The following FBH1 variants were observed in gnomAD, a reference collection of about 807,000 sequenced individuals.
FBH1 encodes DNA 3'-5' helicase 1.
A neutral mutation model predicts 115.5 loss-of-function variants in FBH1; 43 were observed. The observed-to-expected ratio is 0.37, with a 90% CI of 0.29 to 0.48. The LOEUF (loss-of-function observed/expected upper bound fraction) is 0.48, where lower values mean the gene tolerates loss of function less well. Ranked by LOEUF, FBH1 falls within the 20% of genes least tolerant of loss-of-function variation. The pLI is 0.99. For missense variants in FBH1, 1,001 were observed against 1,337.3 expected, an observed-to-expected ratio of 0.75 and a Z score of 3.92; for synonymous variants, 524 against 507.8, an observed-to-expected ratio of 1.03 and a Z score of -0.43.
rs2132170113 is a variant in FBH1 at position 5,936,757 on chromosome 10, G to C, written c.2961+170G>C. ...TGTGTGGTCTGTCCCAGGGTCAGAG[G>C]TCAGGGCACGTGATGCTGCCTGGCT... On this transcript the variant is annotated intron_variant, in intron 20 of 20. Transcript: ENST00000362091. This position sits in a 1 kb window ranked among gnomAD's most constrained non-coding sequence, Gnocchi z 5.6. 1.2e-6 allele frequency: 1 copy of C among 842,794 alleles called. No individual in the cohort carries two copies. Among genetic ancestry groups the C allele is most frequent in the East Asian group, 2.7e-5 (1 of 36,570 alleles). The allele number at this position is 842,794 out of a possible 1,614,324, so 52.2% of individuals were successfully genotyped here.
intron 19 of FBH1, chr10:5,934,209 CCTT>C (rs1422494231): frequency 6.6e-6 from 1 of 152,122 alleles, no homozygotes; most frequent in East Asian, 1.9e-4. Context: ...AGTAGGGCAA[CCTT>C]CTTTTTCTTT....
In FBH1 at chr10:5,921,247, G is replaced by T; in HGVS notation, c.2101-11G>T. On this transcript the variant is annotated splice_polypyrimidine_tract_variant and intron_variant, in intron 13 of 20. Transcript: ENST00000362091. The surrounding 1 kb of genome is among the most constrained non-coding windows in gnomAD (Gnocchi z 6.4). The stretch of plus-strand genomic sequence containing the variant: ...GCGGGCTGCTGACTCCCTCTGTCTT[G>T]TTGTTTTCAGAGTTTTCGGTTTGGT... 6.2e-7 allele frequency: 1 copy of T among 1,613,670 alleles called. No individual in the cohort carries two copies. Among genetic ancestry groups the T allele is most frequent in the South Asian group, 1.1e-5 (1 of 91,020 alleles).
chr10:5,903,092 C>A lies in FBH1; in HGVS notation c.74C>A (p.Thr25Asn). 1 of 1,613,854 alleles carries A rather than the reference C, an allele frequency of 6.2e-7. No individual in the cohort carries two copies. The highest frequency in any genetic ancestry group is 1.1e-5 in the South Asian group (1 of 91,006). The change falls in exon 2 of 21, where the codon ACC becomes AAC. Residue 25 changes from threonine to asparagine, a missense_variant. By Grantham distance (65) the Thr-to-Asn change is moderately conservative. This residue lies in a region of FBH1 where 420 missense variants were observed against 430.4 expected (regional missense o/e 0.98). Transcript: ENST00000362091. The part of the protein sequence containing the change: ...QHLARSHLAV[T>N]QPFGQRWTNR... ...TTGGCTCGGAGTCACTTGGCTGTGA[C>A]CCAGCCCTTCGGTCAAAGATGGACA...
At chr10:5,922,265 A>T (rs1264570299) in intron 15 of FBH1, among the ~76,000 whole-genome samples, 1 of 152,218 alleles carries the variant, frequency 6.6e-6, no homozygotes, top group Non-Finnish European at 1.5e-5. Context: ...TTGGAACCTA[A>T]AAAAAGAACA....
Position 5,909,470 on chromosome 10 carries a change from A to G in FBH1, c.1020+176A>G. On this transcript the variant is annotated intron_variant, in intron 5 of 20. Coordinates refer to ENST00000362091, the MANE Select transcript of FBH1 (RefSeq NM_178150.3). This position sits in a 1 kb window ranked among gnomAD's most constrained non-coding sequence, Gnocchi z 4.4. ...CCCCAGTGGAGAAATAAAAGGCCAT[A>G]TAATTGTAGAGTCTTAGATGTAGAT... The G allele has an allele frequency of 1.4e-6, 1 of 702,466 alleles. No homozygotes were observed. The highest frequency in any genetic ancestry group is 2.2e-5 in the South Asian group (1 of 45,570). The allele number at this position is 702,466 out of a possible 1,614,324, so 43.5% of individuals were successfully genotyped here.
intron 1 of FBH1, among the ~76,000 whole-genome samples, chr10:5,891,341 G>A (rs1842714556): frequency 6.6e-6 from 1 of 152,282 alleles, no homozygotes; most frequent in African/African-American, 2.4e-5. Flanking sequence ...TCAGGTTATT[G>A]TTCTGTCGTG....
chr10:5,895,074 A>C lies in FBH1; in HGVS notation c.1+4728A>C. The C allele has an allele frequency of 1.9e-6, 3 of 1,613,456 alleles. No homozygotes were observed. The highest frequency in any genetic ancestry group is 1.7e-4 in the Middle Eastern group (1 of 6,056). On this transcript the variant is annotated intron_variant, in intron 1 of 20. Transcript: ENST00000362091. This position sits in a 1 kb window ranked among gnomAD's most constrained non-coding sequence, Gnocchi z 5.0. Reference sequence around the variant, plus strand: ...TTCACAGGCTGCCATTGGACCTGTCAAGTGCCTGAGTCATGTGATAATGGG... The same window carrying C: ...TTCACAGGCTGCCATTGGACCTGTCCAGTGCCTGAGTCATGTGATAATGGG...
Position 5,918,293 on chromosome 10 carries a change from C to G in FBH1, c.1964-49C>G, listed in dbSNP as rs759550543. 4 of 1,593,754 alleles carry G rather than the reference C, an allele frequency of 2.5e-6. No individual in the cohort carries two copies. The highest frequency in any genetic ancestry group is 3.4e-6 in the Non-Finnish European group (4 of 1,174,514). ...GTTTTTGTCCTTTTCTTTTTGCTGC[C>G]TGGGGTGGAGGCCTCAAGGTTTCTC... On this transcript the variant is annotated intron_variant, in intron 12 of 20. Transcript: ENST00000362091. The surrounding 1 kb of genome is among the most constrained non-coding windows in gnomAD (Gnocchi z 4.0).
intron 13 of FBH1, among the ~76,000 whole-genome samples, chr10:5,920,654 C>T (rs1021665430): frequency 2.6e-5 from 4 of 152,172 alleles, no homozygotes; most frequent in South Asian, 4.1e-4. Flanking sequence ...GTCTAGTTTT[C>T]GTTTGACTGT....
chr10:5,915,545 C>G lies in FBH1; in HGVS notation c.1539C>G (p.Ser513=), dbSNP rs935385904. The change falls in exon 9 of 21, where the codon TCC becomes TCG. Residue 513 remains serine (S), a synonymous_variant. Coordinates refer to ENST00000362091, the MANE Select transcript of FBH1 (RefSeq NM_178150.3). The surrounding 1 kb of genome is among the most constrained non-coding windows in gnomAD (Gnocchi z 5.2). ...ACGTCATCTGCAAAACCTTCCACTCCATGGCCTACGGGCACATAGGGCGGA... is the reference window on the plus strand; with the variant it reads ...ACGTCATCTGCAAAACCTTCCACTCGATGGCCTACGGGCACATAGGGCGGA... ...PSNVICKTFH[S]MAYGHIGRKY... The G allele has an allele frequency of 6.2e-7, 1 of 1,614,198 alleles. No homozygotes were observed. The highest frequency in any genetic ancestry group is 1.3e-5 in the African/African-American group (1 of 75,050).
chr10:5,924,812 C>G lies in FBH1; in HGVS notation c.2596+304C>G, dbSNP rs1156578914. The G allele has an allele frequency of 4.1e-6, 2 of 482,148 alleles. No individual in the cohort carries two copies. Among genetic ancestry groups the G allele is most frequent in the Non-Finnish European group, 8.1e-6 (2 of 246,998 alleles). 29.9% of individuals were successfully genotyped at this position (482,148 alleles called of 1,614,324 possible). ...AACTCCCAACCTCAGGTAATCTGCC[C>G]ACCTCGACCTCCCAAAGTGCTAGAA... On this transcript the variant is annotated intron_variant, in intron 17 of 20. Coordinates refer to ENST00000362091, the MANE Select transcript of FBH1 (RefSeq NM_178150.3). The surrounding 1 kb of genome is among the most constrained non-coding windows in gnomAD (Gnocchi z 6.2).
intron 19 of FBH1, chr10:5,934,763 G>T (rs1250115830): frequency 6.6e-6 from 1 of 152,292 alleles, no homozygotes; most frequent in African/African-American, 2.4e-5. Context: ...GCCCAGGCTG[G>T]AGTGCAGTGG....
At chr10:5,891,115 A>C (rs774967223) in intron 1 of FBH1, 26 of 983,210 alleles carry the variant, frequency 2.6e-5, no homozygotes, top group Non-Finnish European at 3.0e-5. Context: ...ACAGAATTAC[A>C]GGTAATAAAG....
At chr10:5,892,388 C>A (rs924248039) in intron 1 of FBH1, among the ~76,000 whole-genome samples, 2 of 152,118 alleles carry the variant, frequency 1.3e-5, no homozygotes, top group Non-Finnish European at 2.9e-5. Context: ...ATTTAGAATT[C>A]TAATTTTGGG....
intron 1 of FBH1, chr10:5,894,021 A>G: frequency 3.0e-6 from 3 of 985,428 alleles, no homozygotes; most frequent in Non-Finnish European, 3.6e-6. Context: ...GTTGGCTGTC[A>G]TACACGAGTG....
At position 5,915,382 on chromosome 10, in the gene FBH1, C is replaced by T. The variant is rs1209186022; in HGVS notation, c.1397-21C>T. On this transcript the variant is annotated intron_variant, in intron 8 of 20. Coordinates refer to ENST00000362091, the MANE Select transcript of FBH1 (RefSeq NM_178150.3). The surrounding 1 kb of genome is among the most constrained non-coding windows in gnomAD (Gnocchi z 5.2). ...TCTTGTCTGGTCAGAGGGTCACCTC[C>T]TTTCCTCCTGGCTTCCCCAGGCACT... The T allele has an allele frequency of 3.7e-6, 6 of 1,613,420 alleles. No individual in the cohort carries two copies. The highest frequency in any genetic ancestry group is 2.2e-5 in the East Asian group (1 of 44,874).
Position 5,910,931 on chromosome 10 carries a change from C to T in FBH1, c.1021-7C>T. ...TGTCCCTCCCTCCCTGTGCACCTGG[C>T]TTGCAGGGTGTCAACATCTGGGCCC... On this transcript the variant is annotated splice_region_variant and splice_polypyrimidine_tract_variant and intron_variant, in intron 5 of 20. Coordinates refer to ENST00000362091, the MANE Select transcript of FBH1 (RefSeq NM_178150.3). The surrounding 1 kb of genome is among the most constrained non-coding windows in gnomAD (Gnocchi z 4.8). 6.2e-7 allele frequency: 1 copy of T among 1,605,966 alleles called. No individual in the cohort carries two copies. Among genetic ancestry groups the T allele is most frequent in the Non-Finnish European group, 8.5e-7 (1 of 1,177,932 alleles).
chr10:5,909,206 T>C lies in FBH1; in HGVS notation c.932T>C (p.Val311Ala), dbSNP rs763007488. The C allele has an allele frequency of 6.2e-7, 1 of 1,612,702 alleles. No homozygotes were observed. Among genetic ancestry groups the C allele is most frequent in the East Asian group, 2.2e-5 (1 of 44,802 alleles). ...KCSPSVDPERVLWSLRDHPLL... is the reference protein window; with the variant it reads ...KCSPSVDPERALWSLRDHPLL... ...TCTCCGAGTGTGGATCCCGAGAGGG[T>C]GCTGTGGAGTCTGAGGGACCACCCC... The change falls in exon 5 of 21, where the codon GTG (valine) becomes GCG (alanine). Residue 311 changes from valine to alanine, a missense_variant. Val to Ala is a moderately conservative substitution (Grantham distance 64, BLOSUM62 0). This residue lies in a region of FBH1 where 420 missense variants were observed against 430.4 expected (regional missense o/e 0.98). Transcript: ENST00000362091. The surrounding 1 kb of genome is among the most constrained non-coding windows in gnomAD (Gnocchi z 4.4).
intron 18 of FBH1, 27 bp from the exon 19 acceptor site, chr10:5,927,408 G>GA (rs749448521): frequency 9.0e-6 from 14 of 1,547,788 alleles, no homozygotes; most frequent in Non-Finnish European, 1.2e-5. Flanking sequence ...CTTTTTAGTT[G>GA]ATTTTTTTCC....
Sources: gnomAD v4.1 joint callset for allele counts (sites outside exome capture counted in the v4.1 genomes callset) on GRCh38, gnomAD v4.1.1 for gene constraint, gnomAD v4.1.1 regional missense constraint, Gnocchi (gnomAD v3.1) non-coding constraint, MANE v1.5 for transcripts, NCBI Gene and HGNC (gene_info 2026-07-23, HGNC 2026-07-21) for gene names.